Variants in SAMD5 observed in about 807,000 individuals in gnomAD.
SAMD5 encodes sterile alpha motif domain-containing protein 5.
Under a neutral mutation model 11.3 loss-of-function variants are expected in SAMD5, and 13 were observed. The observed-to-expected ratio is 1.15, with a 90% CI of 0.75 to 1.83. The LOEUF is 1.83. Among genes scored for constraint, SAMD5 ranks in the 40% most tolerant of loss-of-function variants. The pLI is 0.00. For synonymous variants in SAMD5, 129 were observed against 111.3 expected, an observed-to-expected ratio of 1.16 and a Z score of -1.00; for missense variants, 255 against 239.1, an observed-to-expected ratio of 1.07 and a Z score of -0.44.
intron 1 of SAMD5, among the ~76,000 whole-genome samples, chr6:147,536,071 C>T (rs1034183163): frequency 6.6e-6 from 1 of 152,032 alleles, no homozygotes; most frequent in Non-Finnish European, 1.5e-5. Flanking sequence ...GCAAGCTCCA[C>T]CTCCCGGGTT....
At chr6:147,827,866 T>G in the SAMD5 span, among the ~76,000 whole-genome samples, 5 of 151,932 alleles carry the variant, frequency 3.3e-5, no homozygotes, top group Admixed American at 1.3e-4. Flanking sequence ...CTCGGCTCAC[T>G]GCAAGCTCCG....
intron 1 of SAMD5, among the ~76,000 whole-genome samples, chr6:147,675,393 C>T (rs4896939): frequency 0.076 from 11,530 of 152,178 alleles, 566 homozygotes; most frequent in South Asian, 0.2. Context: ...TTGAGGTTAC[C>T]TTGCCAAGTG....
chr6:147,907,050 A>G, the SAMD5 span, among the ~76,000 whole-genome samples: 1 of 152,208 alleles, frequency 6.6e-6, no homozygotes, highest in Non-Finnish European at 1.5e-5. Context: ...TTTTGCCTCA[A>G]CACTGGGCAC....
the SAMD5 span, among the ~76,000 whole-genome samples, chr6:147,757,741 T>G: frequency 1.3e-5 from 2 of 152,298 alleles, no homozygotes; most frequent in East Asian, 3.9e-4. Context: ...CCTTGGAAAT[T>G]TTAAGGGTTT....
the SAMD5 span, among the ~76,000 whole-genome samples, chr6:147,832,415 T>G: frequency 6.6e-6 from 1 of 152,202 alleles, no homozygotes; most frequent in African/African-American, 2.4e-5. Flanking sequence ...TTAACTCCAA[T>G]TGATTTTACT....
chr6:147,666,254 C>CT (rs1790718925), intron 1 of SAMD5, among the ~76,000 whole-genome samples: 1 of 149,452 alleles, frequency 6.7e-6, no homozygotes, highest in East Asian at 2.1e-4. Flanking sequence ...AAAATTTTTA[C>CT]TTTTATTATG....
chr6:147,857,226 G>A, the SAMD5 span, among the ~76,000 whole-genome samples: 25 of 151,720 alleles, frequency 1.6e-4, 1 homozygote, highest in African/African-American at 5.8e-4. Context: ...CTATGGGCCA[G>A]GCACAGTGGC....
At chr6:147,658,740 G>A (rs1167729822) in intron 1 of SAMD5, among the ~76,000 whole-genome samples, 1 of 152,044 alleles carries the variant, frequency 6.6e-6, no homozygotes, top group Non-Finnish European at 1.5e-5. Flanking sequence ...TAAGAATTGG[G>A]CTAAACATGA....
chr6:147,737,169 TTTTTTA>T (rs1791816482), intron 1 of SAMD5: 2 of 289,292 alleles, frequency 6.9e-6, no homozygotes, highest in South Asian at 6.3e-5. Context: ...AGTAATGTAT[TTTTTTA>T]TCAGGTTTTT....
Position 147,712,339 on chromosome 6 carries a change from A to G in SAMD5, c.163-24978A>G, listed in dbSNP as rs183823139. Among the ~76,000 whole-genome samples, 58 of 152,316 alleles carry G rather than the reference A, an allele frequency of 3.8e-4. No homozygotes were observed. The East Asian group carries it at 8.5e-3, about 22-fold the overall frequency. ...CAACAATTTATTTTTTTCCAGGAAT[A>G]TTATTTGTGTTCTAGACTTTTAAAA... On this transcript the variant is annotated intron_variant, in intron 1 of 1. Coordinates refer to the SAMD5 transcript ENST00000566741.
chr6:147,703,060 C>T (rs1791276377), intron 1 of SAMD5, among the ~76,000 whole-genome samples: 1 of 151,932 alleles, frequency 6.6e-6, no homozygotes, highest in South Asian at 2.1e-4. Context: ...CCTTATACTT[C>T]GTTTTTTTGT....
the SAMD5 span, among the ~76,000 whole-genome samples, chr6:147,912,952 G>C: frequency 6.6e-6 from 1 of 151,750 alleles, no homozygotes; most frequent in African/African-American, 2.4e-5. Flanking sequence ...TTATCCTCAA[G>C]GAGTGGGAGA....
the SAMD5 span, among the ~76,000 whole-genome samples, chr6:147,792,723 G>A: frequency 2.0e-5 from 3 of 152,060 alleles, no homozygotes; most frequent in Admixed American, 6.6e-5. Context: ...TGTAGGACTA[G>A]AAAGTAAGGA....
At chr6:147,601,864 A>G (rs2128448239) in intron 1 of SAMD5, among the ~76,000 whole-genome samples, 1 of 152,334 alleles carries the variant, frequency 6.6e-6, no homozygotes, top group East Asian at 1.9e-4. Context: ...AGCAGCTGCC[A>G]GAAGGAATGG....
chr6:147,514,694 G>T (rs896792164), intron 1 of SAMD5, among the ~76,000 whole-genome samples: 3 of 151,968 alleles, frequency 2.0e-5, no homozygotes, highest in Admixed American at 6.6e-5. Context: ...AAATAGTGTG[G>T]GGGAGGCATC....
intron 1 of SAMD5, among the ~76,000 whole-genome samples, chr6:147,685,903 G>A (rs929323320): frequency 6.6e-6 from 1 of 152,150 alleles, no homozygotes; most frequent in African/African-American, 2.4e-5. Flanking sequence ...CACTGATCCT[G>A]ATGCACAATT....
chr6:147,745,854 C>A, the SAMD5 span, among the ~76,000 whole-genome samples: 3 of 150,898 alleles, frequency 2.0e-5, no homozygotes, highest in Admixed American at 6.6e-5. Flanking sequence ...ACAAGGCTTA[C>A]CGCAGCCTCC....
chr6:147,881,931 G>A, the SAMD5 span, among the ~76,000 whole-genome samples: 1 of 152,142 alleles, frequency 6.6e-6, no homozygotes, highest in Non-Finnish European at 1.5e-5. Context: ...GCTCTGGCGG[G>A]CCCCATCCAT....
intron 1 of SAMD5, among the ~76,000 whole-genome samples, chr6:147,561,082 A>G (rs1408332510): frequency 6.6e-6 from 1 of 152,278 alleles, no homozygotes; most frequent in African/African-American, 2.4e-5. Flanking sequence ...TCACTTTAAA[A>G]AACAACAATA....
Sources: allele counts gnomAD v4.1 joint callset (sites outside exome capture counted in the v4.1 genomes callset), GRCh38; gene constraint gnomAD v4.1.1; transcripts MANE v1.5; gene names NCBI Gene and HGNC (gene_info 2026-07-23, HGNC 2026-07-21).